Variants in PRKN observed in about 807,000 individuals in gnomAD.
PRKN encodes parkin RBR E3 ubiquitin protein ligase, also known as E3 ubiquitin-protein ligase parkin.
Under a neutral mutation model 59.5 loss-of-function variants are expected in PRKN, and 56 were observed. The ratio of observed to expected loss-of-function variants is 0.94; its 90% CI spans 0.76 to 1.18. PRKN has a LOEUF of 1.18. Ranked by LOEUF, PRKN falls within the 50% of genes most tolerant of loss-of-function variation. The pLI is 0.00. For synonymous variants in PRKN, 250 were observed against 222.1 expected, an observed-to-expected ratio of 1.13 and a Z score of -1.12; for missense variants, 657 against 596.4, an observed-to-expected ratio of 1.10 and a Z score of -1.06.
chr6:161,765,474 T>C (rs1368017941), intron 7 of PRKN, among the ~76,000 whole-genome samples: 1 of 152,220 alleles, frequency 6.6e-6, no homozygotes, highest in Non-Finnish European at 1.5e-5. Context: ...AAAATAAAGT[T>C]TGAAGTTAGC....
At chr6:161,587,369 T>C (rs556047540) in intron 7 of PRKN, among the ~76,000 whole-genome samples, 38 of 152,254 alleles carry the variant, frequency 2.5e-4, no homozygotes, top group Non-Finnish European at 5.1e-4. Flanking sequence ...TCCAGTATAG[T>C]TTACAAAATT....
At chr6:161,374,310 G>T (rs1464085035) in intron 10 of PRKN, among the ~76,000 whole-genome samples, 1 of 148,966 alleles carries the variant, frequency 6.7e-6, no homozygotes, top group African/African-American at 2.6e-5. Context: ...TGTGGTGCGC[G>T]TGTGTTGTGT....
In PRKN at chr6:161,440,954, A is replaced by G. The variant is rs1789183904; in HGVS notation, c.1084-54077T>C. Among the ~76,000 whole-genome samples the G allele has an allele frequency of 6.6e-6, 1 of 152,248 alleles. No homozygotes were observed. The highest frequency in any genetic ancestry group is 6.5e-5 in the Admixed American group (1 of 15,284). On this transcript the variant is annotated intron_variant, in intron 9 of 11. Transcript: ENST00000366898. The surrounding 1 kb of genome is among the most constrained non-coding windows in gnomAD (Gnocchi z 4.1). ...AATGTCAGCTGAAAGACAAAGAGAA[A>G]GATGGGATTGTTCTTGCAAAATCTC...
intron 2 of PRKN, among the ~76,000 whole-genome samples, chr6:162,308,582 T>C (rs1274347076): frequency 1.3e-5 from 2 of 152,206 alleles, no homozygotes; most frequent in Non-Finnish European, 2.9e-5. Flanking sequence ...TTAGTCTATT[T>C]TCTCCCAATA....
chr6:161,610,776 GA>G (rs1358875057), intron 7 of PRKN, among the ~76,000 whole-genome samples: 1 of 152,122 alleles, frequency 6.6e-6, no homozygotes, highest in Non-Finnish European at 1.5e-5. Flanking sequence ...AGGATGCCAG[GA>G]GGGGCCTGGG....
At chr6:161,721,175 A>T (rs1246689668) in intron 7 of PRKN, among the ~76,000 whole-genome samples, 2 of 152,284 alleles carry the variant, frequency 1.3e-5, no homozygotes, top group African/African-American at 2.4e-5. Context: ...AAGTCAAATT[A>T]AAATGTGATT....
At position 161,874,218 on chromosome 6, in the gene PRKN, A is replaced by ATATATAT. The variant is rs1794521182; in HGVS notation, c.735-88317_735-88311dup. On this transcript the variant is annotated intron_variant, in intron 6 of 11. Coordinates refer to ENST00000366898, the MANE Select transcript of PRKN (RefSeq NM_004562.3). ...TAATATATATTATATGTAAAATATA[A>ATATATAT]TATATATTATATATAATATATAATA... Among the ~76,000 whole-genome samples the ATATATAT allele has an allele frequency of 5.3e-4, 20 of 37,908 alleles. 4 individuals are homozygous for ATATATAT. Among genetic ancestry groups the ATATATAT allele is most frequent in the Non-Finnish European group, 8.4e-4 (19 of 22,734 alleles). 24.9% of individuals were successfully genotyped at this position (37,908 alleles called of 152,430 possible). A position where few individuals can be genotyped will look rare whatever the true frequency, so the allele number is the denominator to read the frequency against.
intron 1 of PRKN, among the ~76,000 whole-genome samples, chr6:162,531,660 T>C (rs1042737320): frequency 1.3e-5 from 2 of 152,106 alleles, no homozygotes; most frequent in African/African-American, 2.4e-5. Flanking sequence ...GCACTGATCT[T>C]AGAGGCAGTT....
chr6:162,556,640 AG>A (rs1779615179), intron 1 of PRKN, among the ~76,000 whole-genome samples: 4 of 150,604 alleles, frequency 2.7e-5, no homozygotes, highest in South Asian at 4.2e-4. Context: ...CCAGCTACTC[AG>A]GAGGCTGAGG....
At chr6:161,888,631 G>A (rs2128231443) in intron 6 of PRKN, among the ~76,000 whole-genome samples, 1 of 152,276 alleles carries the variant, frequency 6.6e-6, no homozygotes, top group East Asian at 1.9e-4. Context: ...TGACAGTTGA[G>A]AACCACTGGT....
chr6:162,297,197 T>C (rs1781721322), intron 2 of PRKN, among the ~76,000 whole-genome samples: 1 of 144,846 alleles, frequency 6.9e-6, no homozygotes, highest in Non-Finnish European at 1.5e-5. Flanking sequence ...TTTGTAAGCA[T>C]CTTAGTTTCG....
chr6:161,569,285 G>T (rs999763805), intron 8 of PRKN, 70 bp downstream of exon 8: 35 of 1,411,156 alleles, frequency 2.5e-5, no homozygotes, highest in Non-Finnish European at 3.1e-5. Flanking sequence ...CCTCCCTGGG[G>T]AGCCCAAACT....
intron 9 of PRKN, among the ~76,000 whole-genome samples, chr6:161,506,246 C>T (rs1778165803): frequency 1.3e-5 from 2 of 152,128 alleles, no homozygotes; most frequent in South Asian, 4.2e-4. Flanking sequence ...CTTCACATCC[C>T]TTGTAAGGTG....
At chr6:161,408,611 A>AG (rs1349953870) in intron 9 of PRKN, among the ~76,000 whole-genome samples, 3 of 151,682 alleles carry the variant, frequency 2.0e-5, no homozygotes, top group Admixed American at 2.0e-4. Context: ...GCCATGGGTC[A>AG]GGGGGTCGGC....
intron 9 of PRKN, among the ~76,000 whole-genome samples, chr6:161,412,898 A>C (rs1787654647): frequency 6.6e-6 from 1 of 151,562 alleles, no homozygotes; most frequent in Non-Finnish European, 1.5e-5. Flanking sequence ...TCCTTCACTC[A>C]CTCATTCCTT....
chr6:162,113,153 T>A (rs113627310), intron 4 of PRKN, among the ~76,000 whole-genome samples: 3 of 152,236 alleles, frequency 2.0e-5, no homozygotes, highest in Non-Finnish European at 4.4e-5. Context: ...CTCATGTAAC[T>A]GATCATTTCT....
At chr6:162,163,759 G>C (rs1457931717) in intron 4 of PRKN, among the ~76,000 whole-genome samples, 1 of 148,918 alleles carries the variant, frequency 6.7e-6, no homozygotes. Context: ...GAGTGAAAGG[G>C]AGGGAGCGCC....
intron 1 of PRKN, among the ~76,000 whole-genome samples, chr6:162,684,369 C>T (rs1187631540): frequency 1.3e-5 from 2 of 152,044 alleles, no homozygotes; most frequent in East Asian, 1.9e-4. Context: ...TGTTTCAATG[C>T]CCCATAGCTT....
chr6:162,705,957 G>A lies in PRKN; in HGVS notation c.7+21705C>T, dbSNP rs188112117. Reference sequence around the variant, plus strand: ...TTATTCAGAGAGCAGGTAGAGAATAGGGCAGCAGAAACACGGCTTTCTCAG... The same window carrying A: ...TTATTCAGAGAGCAGGTAGAGAATAAGGCAGCAGAAACACGGCTTTCTCAG... On this transcript the variant is annotated intron_variant, in intron 1 of 11. Transcript: ENST00000366898. Among the ~76,000 whole-genome samples the A allele has an allele frequency of 2.2e-4, 33 of 152,246 alleles. No individual in the cohort carries two copies. The East Asian group carries it at 3.5e-3, about 16-fold the overall frequency.
Sources: gnomAD v4.1 joint callset for allele counts (sites outside exome capture counted in the v4.1 genomes callset) on GRCh38, gnomAD v4.1.1 for gene constraint, Gnocchi (gnomAD v3.1) non-coding constraint, MANE v1.5 for transcripts, NCBI Gene and HGNC (gene_info 2026-07-23, HGNC 2026-07-21) for gene names.